The following MAD1L1 variants were observed in gnomAD, a reference collection of about 807,000 sequenced individuals.
The protein encoded by MAD1L1 is mitotic arrest deficient 1 like 1, also known as mitotic spindle assembly checkpoint protein MAD1.
MAD1L1 carries 95 observed loss-of-function variants against 96.9 expected under a neutral mutation model. The observed-to-expected ratio is 0.98, with a 90% confidence interval of 0.83 to 1.16. The LOEUF (loss-of-function observed/expected upper bound fraction) is 1.16. Ranked by LOEUF, MAD1L1 falls within the 50% of genes most tolerant of loss-of-function variation. MAD1L1 has a pLI of 0.00. For synonymous variants in MAD1L1, 473 were observed against 396.6 expected, an observed-to-expected ratio of 1.19 and a Z score of -2.29; for missense variants, 1,007 against 954.4, an observed-to-expected ratio of 1.06 and a Z score of -0.73.
intron 11 of MAD1L1, among the ~76,000 whole-genome samples, chr7:2,109,106 A>G (rs180784792): frequency 7.4e-4 from 113 of 152,260 alleles, no homozygotes; most frequent in African/African-American, 2.5e-3. Context: ...CTCCGCACCC[A>G]CTTCGGATTC....
intron 10 of MAD1L1, chr7:2,209,815 T>A (rs1313257816): frequency 6.6e-6 from 1 of 152,478 alleles, no homozygotes; most frequent in Non-Finnish European, 1.5e-5. Flanking sequence ...GGACATCTGA[T>A]GTCACCTCAG....
At chr7:1,940,758 G>C (rs769476514) in intron 16 of MAD1L1, among the ~76,000 whole-genome samples, 2 of 152,230 alleles carry the variant, frequency 1.3e-5, no homozygotes, top group South Asian at 4.1e-4. Context: ...GATAACCCGC[G>C]TGTGTCCCAA....
chr7:2,011,301 G>A (rs1371142790), intron 13 of MAD1L1, among the ~76,000 whole-genome samples: 1 of 152,202 alleles, frequency 6.6e-6, no homozygotes, highest in African/African-American at 2.4e-5. Flanking sequence ...CACAGAGGGT[G>A]CAGCCACCCT....
chr7:2,013,747 T>A (rs900546769), intron 13 of MAD1L1, among the ~76,000 whole-genome samples: 1 of 152,142 alleles, frequency 6.6e-6, no homozygotes, highest in Admixed American at 6.5e-5. Flanking sequence ...CCTTTCAAGC[T>A]CCAGGCTGGG....
intron 10 of MAD1L1, among the ~76,000 whole-genome samples, chr7:2,161,837 C>T (rs1447770916): frequency 6.7e-6 from 1 of 150,310 alleles, no homozygotes; most frequent in Admixed American, 6.6e-5. Context: ...ACCGGCCGCC[C>T]TGTCTGGGAA....
intron 17 of MAD1L1, among the ~76,000 whole-genome samples, chr7:1,925,926 A>G (rs1444871958): frequency 6.6e-6 from 1 of 152,232 alleles, no homozygotes; most frequent in Non-Finnish European, 1.5e-5. Flanking sequence ...GGAAGGAAAC[A>G]CAAAACTACA....
chr7:1,946,531 G>A (rs976163731), intron 16 of MAD1L1, among the ~76,000 whole-genome samples: 14 of 152,390 alleles, frequency 9.2e-5, no homozygotes, highest in Admixed American at 9.1e-4. Context: ...ATCTCAAAAG[G>A]AAAAGTTTGG....
chr7:2,041,366 T>C (rs193264214), intron 12 of MAD1L1, among the ~76,000 whole-genome samples: 9 of 147,590 alleles, frequency 6.1e-5, no homozygotes, highest in African/African-American at 2.2e-4. Flanking sequence ...TGTCTCCTAG[T>C]CTGGGGCTGG....
At chr7:2,179,373 T>A (rs1584491434) in intron 10 of MAD1L1, among the ~76,000 whole-genome samples, 1 of 151,258 alleles carries the variant, frequency 6.6e-6, no homozygotes, top group African/African-American at 2.4e-5. Context: ...ACTAAAAATA[T>A]AAAAATTAGC....
intron 11 of MAD1L1, among the ~76,000 whole-genome samples, chr7:2,095,734 C>T (rs1010952442): frequency 1.3e-5 from 2 of 152,188 alleles, no homozygotes; most frequent in Non-Finnish European, 1.5e-5. Context: ...AAGGCTCAGC[C>T]GGCGGGGCCA....
intron 12 of MAD1L1, among the ~76,000 whole-genome samples, chr7:2,038,060 C>T (rs561233704): frequency 3.3e-5 from 5 of 152,268 alleles, no homozygotes; most frequent in African/African-American, 7.2e-5. Flanking sequence ...AACACACCAA[C>T]GATAAGAAAG....
chr7:2,012,571 A>G (rs1782351675), intron 13 of MAD1L1, among the ~76,000 whole-genome samples: 1 of 152,200 alleles, frequency 6.6e-6, no homozygotes, highest in African/African-American at 2.4e-5. Context: ...GGCTAGACAC[A>G]GAAAGGAAAG....
chr7:2,144,181 C>T (rs1029248473), intron 11 of MAD1L1, among the ~76,000 whole-genome samples: 1 of 152,204 alleles, frequency 6.6e-6, no homozygotes, highest in African/African-American at 2.4e-5. Context: ...GGCTCAAGTT[C>T]CTCCCTGCAA....
chr7:2,228,151 C>T (rs913377739), intron 3 of MAD1L1, among the ~76,000 whole-genome samples: 2 of 152,134 alleles, frequency 1.3e-5, no homozygotes, highest in Admixed American at 6.5e-5. Flanking sequence ...CTGATCCCCT[C>T]ACCGAGAGGC....
chr7:2,222,479 A>G, intron 5 of MAD1L1, 96 bp downstream of exon 5: 1 of 1,114,782 alleles, frequency 9.0e-7, no homozygotes. Context: ...TGGGAAGCAC[A>G]AGTGAAAACA....
chr7:2,097,099 C>T (rs1468456045), intron 11 of MAD1L1, among the ~76,000 whole-genome samples: 2 of 152,154 alleles, frequency 1.3e-5, no homozygotes, highest in East Asian at 3.9e-4. Flanking sequence ...GGGAAGGGGG[C>T]AGCCTCCAGG....
At position 1,888,332 on chromosome 7, in the gene MAD1L1, G is replaced by A. The variant is rs575640314; in HGVS notation, c.1998+9868C>T. 2.0e-4 allele frequency among the ~76,000 whole-genome samples: 23 copies of A among 113,942 alleles called. No individual in the cohort carries two copies. The South Asian group carries it at 3.6e-3, about 18-fold the overall frequency. 74.8% of individuals were successfully genotyped at this position (113,942 alleles called of 152,430 possible). On this transcript the variant is annotated intron_variant, in intron 18 of 18. Coordinates refer to ENST00000265854, the MANE Select transcript of MAD1L1 (RefSeq NM_001013836.2). ...ACTGCCTATGTGTGTGTGTGCATGC[G>A]TGCGGCTGCCTGTGCATGTGTGTGC...
At chr7:1,910,109 C>T (rs1196570578) in intron 17 of MAD1L1, among the ~76,000 whole-genome samples, 3 of 152,046 alleles carry the variant, frequency 2.0e-5, no homozygotes, top group African/African-American at 7.2e-5. Context: ...CAGGCGGGCG[C>T]GGATATCATA....
At chr7:2,164,969 C>G (rs1161803820) in intron 10 of MAD1L1, among the ~76,000 whole-genome samples, 1 of 152,108 alleles carries the variant, frequency 6.6e-6, no homozygotes, top group Non-Finnish European at 1.5e-5. Flanking sequence ...GGCATGTTGA[C>G]CCGGGAGGGC....
Sources: gnomAD v4.1 joint callset for allele counts (sites outside exome capture counted in the v4.1 genomes callset) on GRCh38, gnomAD v4.1.1 for gene constraint, MANE v1.5 for transcripts, NCBI Gene and HGNC (gene_info 2026-07-23, HGNC 2026-07-21) for gene names.